BCL9L: variants seen among roughly 807,000 people sequenced by gnomAD.
BCL9L encodes B-cell CLL/lymphoma 9-like protein.
Under a neutral mutation model 99.4 loss-of-function variants are expected in BCL9L, and 19 were observed. That is an observed-to-expected ratio of 0.19 (90% CI 0.13 to 0.28). The LOEUF (loss-of-function observed/expected upper bound fraction) is 0.28. BCL9L is among the 10% of genes least tolerant of loss of function. The pLI is 1.00. For synonymous variants in BCL9L, 900 were observed against 854.8 expected (o/e 1.05, Z -0.92); for missense variants, 2,023 against 2,101.6 (o/e 0.96, Z 0.73).
Position 118,917,372 on chromosome 11 carries a change from C to A in BCL9L, c.-77+1454G>T, listed in dbSNP as rs7929825. Among the ~76,000 whole-genome samples, 24 of 152,026 alleles carry A rather than the reference C, an allele frequency of 1.6e-4. 1 individual carries two copies. The highest frequency in any genetic ancestry group is 1.6e-3 in the Admixed American group (24 of 15,274). On this transcript the variant is annotated intron_variant, in intron 2 of 9. Coordinates refer to ENST00000683865, the MANE Select transcript of BCL9L (RefSeq NM_001378213.1). ...CAGTCCTAAATGCTTCACGTGCATC[C>A]TCTAGTTTAATCCTCAGAACAATCT... is the stretch of plus-strand genomic sequence containing the variant.
Position 118,900,790 on chromosome 11 carries a change from C to A in BCL9L, c.2953G>T (p.Val985Phe). 1 of 1,613,948 alleles carries A rather than the reference C, an allele frequency of 6.2e-7. No individual in the cohort carries two copies. Among genetic ancestry groups the A allele is most frequent in the South Asian group, 1.1e-5 (1 of 91,088 alleles). ...CTGGGCGAGCCAGTGGGTGAACGGA[C>A]ACTGAGGGAGGAGCCGAGGACCTGG... ...SPQVLGSSLSVRSPTGSPSRL... is the reference protein window; with the variant it reads ...SPQVLGSSLSFRSPTGSPSRL... Residue 985 changes from valine to phenylalanine, a missense_variant, in exon 8 of 10, where the codon GTC becomes TTC. Coordinates refer to ENST00000683865, the MANE Select transcript of BCL9L (RefSeq NM_001378213.1). The surrounding 1 kb of genome is among the most constrained non-coding windows in gnomAD (Gnocchi z 5.3).
chr11:118,909,506 G>T (rs1479380242), intron 3 of BCL9L, among the ~76,000 whole-genome samples: 1 of 152,216 alleles, frequency 6.6e-6, no homozygotes, highest in Non-Finnish European at 1.5e-5. Flanking sequence ...CTGTCTGCCG[G>T]CTTCTCCGGG....
chr11:118,903,267 C>A lies in BCL9L; in HGVS notation c.718G>T (p.Val240Leu). ...GVPGKPPSQF[V>L]YVFTTHLANT... ...GCCAGGTGGGTGGTGAAGACATATA[C>A]GAACTGCGAGGGAGGCTTTCCGGGG... Residue 240 changes from valine (V) to leucine (L), a missense_variant, in exon 6 of 10, where the codon GTA becomes TTA. This residue lies in a region of BCL9L where 1,116 missense variants were observed against 1,194.6 expected (regional missense o/e 0.93). Transcript: ENST00000683865. The surrounding 1 kb of genome is among the most constrained non-coding windows in gnomAD (Gnocchi z 5.6). 2 of 1,587,378 alleles carry A rather than the reference C, an allele frequency of 1.3e-6. No homozygotes were observed. The highest frequency in any genetic ancestry group is 1.1e-5 in the South Asian group (1 of 87,284).
rs529440064 is a variant in BCL9L, at chr11:118,914,532, C to T, written c.-77+4294G>A. Among the ~76,000 whole-genome samples the T allele has an allele frequency of 2.6e-4, 39 of 152,350 alleles. No individual in the cohort carries two copies. Among genetic ancestry groups the T allele is most frequent in the African/African-American group, 9.4e-4 (39 of 41,576 alleles). On this transcript the variant is annotated intron_variant, in intron 2 of 9. Transcript: ENST00000683865. This position sits in a 1 kb window ranked among gnomAD's most constrained non-coding sequence, Gnocchi z 4.4. Reference sequence around the variant, plus strand: ...AGCTCTGCCCACATTGACATCCAGACTGTCATGACCCTCCAGGATGCAGGG... The same window carrying T: ...AGCTCTGCCCACATTGACATCCAGATTGTCATGACCCTCCAGGATGCAGGG...
chr11:118,917,322 T>C (rs929419099), intron 2 of BCL9L, among the ~76,000 whole-genome samples: 1 of 152,226 alleles, frequency 6.6e-6, no homozygotes, highest in Admixed American at 6.5e-5. Context: ...CCAACATTTA[T>C]TGAGCATTTA....
Position 118,902,387 on chromosome 11 carries a change from C to A in BCL9L, c.1356G>T (p.Gln452His). ...GPPAQAPPPP[Q>H]QPPTAPPSGL... ...CGCTGGGAGGGGCCGTGGGTGGCTG[C>A]TGGGGGGGAGGGGGGGCTTGTGCTG... Residue 452 changes from glutamine (Q) to histidine (H), a missense_variant, in exon 8 of 10, where the codon CAG (glutamine) becomes CAT (histidine). Gln to His is a conservative substitution (Grantham distance 24, BLOSUM62 0). This residue lies in a region of BCL9L where 1,116 missense variants were observed against 1,194.6 expected (regional missense o/e 0.93). Transcript: ENST00000683865. The surrounding 1 kb of genome is among the most constrained non-coding windows in gnomAD (Gnocchi z 7.8). 1 of 807,564 alleles carries A rather than the reference C, an allele frequency of 1.2e-6. No individual in the cohort carries two copies. The allele number at this position is 807,564 out of a possible 1,614,324, so 50.0% of individuals were successfully genotyped here. A position where few individuals can be genotyped will look rare whatever the true frequency, so the allele number is the denominator to read the frequency against.
chr11:118,901,593 T>C lies in BCL9L; in HGVS notation c.2150A>G (p.Gln717Arg), dbSNP rs1940240000. The change falls in exon 8 of 10, where the codon CAG (glutamine) becomes CGG (arginine). Residue 717 changes from glutamine to arginine, a missense_variant. Coordinates refer to ENST00000683865, the MANE Select transcript of BCL9L (RefSeq NM_001378213.1). The surrounding 1 kb of genome is among the most constrained non-coding windows in gnomAD (Gnocchi z 6.6). ...EMERMMQAHR[Q>R]MDPAMFPGQM... ...CCCGGGAAACATGGCAGGATCCATC[T>C]GTCGGTGCGCCTGCATCATCCGCTC... 2 of 1,614,084 alleles carry C rather than the reference T, an allele frequency of 1.2e-6. No homozygotes were observed. The highest frequency in any genetic ancestry group is 1.7e-6 in the Non-Finnish European group (2 of 1,180,018).
At position 118,900,222 on chromosome 11, in the gene BCL9L, G is replaced by A. The variant is rs1341642193; in HGVS notation, c.3125-24C>T. The A allele has an allele frequency of 6.4e-7, 1 of 1,561,172 alleles. No individual in the cohort carries two copies. The highest frequency in any genetic ancestry group is 1.4e-5 in the African/African-American group (1 of 73,868). On this transcript the variant is annotated intron_variant, in intron 8 of 9. Transcript: ENST00000683865. This position sits in a 1 kb window ranked among gnomAD's most constrained non-coding sequence, Gnocchi z 5.3. ...ACCTACAGAAACGGGGAGACAAAGA[G>A]AGCAGGGGTGACTGGGGAGGGGCAG...
Position 118,909,960 on chromosome 11 carries a change from CTACGGCCCCTG to C in BCL9L, c.-32_-22del. On this transcript the variant is annotated 5_prime_UTR_variant, in exon 3 of 10. Coordinates refer to ENST00000683865, the MANE Select transcript of BCL9L (RefSeq NM_001378213.1). The stretch of plus-strand genomic sequence containing the variant: ...CTCATGGCTCCCACACACAGTGGGG[CTACGGCCCCTG>C]TGCGTGCCCAGGGCCCAGCCAGGTA... 1 of 1,613,956 alleles carries C rather than the reference CTACGGCCCCTG, an allele frequency of 6.2e-7. No individual in the cohort carries two copies. The highest frequency in any genetic ancestry group is 8.5e-7 in the Non-Finnish European group (1 of 1,179,894).
In BCL9L at chr11:118,896,161, A is replaced by C. The variant is rs1386233866; in HGVS notation, c.*2254T>G. 1 of 167,060 alleles carries C rather than the reference A, an allele frequency of 6.0e-6. No homozygotes were observed. Among genetic ancestry groups the C allele is most frequent in the Admixed American group, 6.5e-5 (1 of 15,288 alleles). 10.3% of individuals were successfully genotyped at this position (167,060 alleles called of 1,614,324 possible). A position where few individuals can be genotyped will look rare whatever the true frequency, so the allele number is the denominator to read the frequency against. ...TGGATTTTGAATTTTCTTTTTAATAAAAAGGCACCTATAAAACAGGTCAAT... is the reference window on the plus strand; with the variant it reads ...TGGATTTTGAATTTTCTTTTTAATACAAAGGCACCTATAAAACAGGTCAAT... On this transcript the variant is annotated 3_prime_UTR_variant, in exon 10 of 10. Transcript: ENST00000683865.
chr11:118,915,522 G>A (rs537359966), intron 2 of BCL9L, among the ~76,000 whole-genome samples: 4 of 152,188 alleles, frequency 2.6e-5, no homozygotes, highest in South Asian at 2.1e-4. Flanking sequence ...AGCTCCCTCC[G>A]CTGGCACACT....
intron 5 of BCL9L, among the ~76,000 whole-genome samples, chr11:118,905,505 T>C (rs1591985991): frequency 9.8e-6 from 1 of 102,476 alleles, no homozygotes. Flanking sequence ...TGAGTGAGAC[T>C]CTGTCTCAAA....
At chr11:118,910,878 C>A (rs1421555020) in intron 2 of BCL9L, 1 of 71,548 alleles carries the variant, frequency 1.4e-5, no homozygotes, top group Non-Finnish European at 2.5e-5. Context: ...ACAGCTCACA[C>A]GTGGACAGGG....
chr11:118,902,055 G>A lies in BCL9L; in HGVS notation c.1688C>T (p.Pro563Leu). Residue 563 changes from proline to leucine, a missense_variant, in exon 8 of 10, where the codon CCT becomes CTT. By Grantham distance (98) the Pro-to-Leu change is moderately conservative. Transcript: ENST00000683865. This position sits in a 1 kb window ranked among gnomAD's most constrained non-coding sequence, Gnocchi z 7.8. The stretch of plus-strand genomic sequence containing the variant: ...CTGATCCCCAGGCTTGCTGTGGTAA[G>A]GAGGCGGGGGCCCCCTCACCATCAT... ...GGMMVRGPPP[P>L]YHSKPGDQWP... is the part of the protein sequence containing the mutation. The A allele has an allele frequency of 6.2e-7, 1 of 1,614,086 alleles. No homozygotes were observed.
Position 118,903,293 on chromosome 11 carries a change from A to G in BCL9L, c.692T>C (p.Val231Ala). The change falls in exon 6 of 10, where the codon GTC becomes GCC. Residue 231 changes from valine (V) to alanine (A), a missense_variant. Around this residue, in one of 3 missense-constraint regions of BCL9L, gnomAD observed 1,116 missense variants for 1,194.6 expected, o/e 0.93. Coordinates refer to ENST00000683865, the MANE Select transcript of BCL9L (RefSeq NM_001378213.1). The surrounding 1 kb of genome is among the most constrained non-coding windows in gnomAD (Gnocchi z 5.6). ...APGGGGGGGG[V>A]PGKPPSQFVY... ...GAACTGCGAGGGAGGCTTTCCGGGG[A>G]CGCCCCCGCCCCCGCCCCCGCCCCC... is the stretch of plus-strand genomic sequence containing the variant. The G allele has an allele frequency of 1.3e-6, 2 of 1,577,794 alleles. No individual in the cohort carries two copies. The highest frequency in any genetic ancestry group is 1.9e-5 in the Admixed American group (1 of 53,716).
intron 5 of BCL9L, among the ~76,000 whole-genome samples, chr11:118,904,985 G>A (rs866873591): frequency 6.6e-6 from 1 of 152,166 alleles, no homozygotes; most frequent in Admixed American, 6.6e-5. Context: ...AGTCCAACAA[G>A]GAACTTTCTA....
chr11:118,898,705 C>T lies in BCL9L; in HGVS notation c.4210G>A (p.Gly1404Ser). 1 of 1,612,354 alleles carries T rather than the reference C, an allele frequency of 6.2e-7. No homozygotes were observed. Among genetic ancestry groups the T allele is most frequent in the Non-Finnish European group, 8.5e-7 (1 of 1,179,426 alleles). The change falls in exon 10 of 10, where the codon GGC (glycine) becomes AGC (serine). Residue 1404 changes from glycine to serine, a missense_variant. Around this residue, in one of 3 missense-constraint regions of BCL9L, gnomAD observed 902 missense variants for 888.2 expected, o/e 1.02. Transcript: ENST00000683865. ...ACCATCCCCTGCTGTGGGGGCACGCCTGTCCTGCCCAGCAAGGACATCTGT... is the reference window on the plus strand; with the variant it reads ...ACCATCCCCTGCTGTGGGGGCACGCTTGTCCTGCCCAGCAAGGACATCTGT... Reference protein sequence around the residue: ...PGQMSLLGRTGVPPQQGMVPH... With the variant: ...PGQMSLLGRTSVPPQQGMVPH...
In BCL9L at chr11:118,898,439, G is replaced by A. The variant is rs759476891; in HGVS notation, c.4476C>T (p.Gly1492=). 6.9e-6 allele frequency: 11 copies of A among 1,605,034 alleles called. No homozygotes were observed. Among genetic ancestry groups the A allele is most frequent in the Admixed American group, 3.4e-5 (2 of 59,630 alleles). Residue 1492 remains glycine (G), a synonymous_variant, in exon 10 of 10, where the codon GGC becomes GGT. Transcript: ENST00000683865. ...DSQMGYLPAP[G]GMANLPF is the part of the protein sequence containing the mutation. ...TCTAGAAGGGCAGGTTGGCCATGCCGCCTGGTGCCGGGAGGTAGCCCATCT... is the reference window on the plus strand; with the variant it reads ...TCTAGAAGGGCAGGTTGGCCATGCCACCTGGTGCCGGGAGGTAGCCCATCT...
chr11:118,903,249 G>A lies in BCL9L; in HGVS notation c.736C>T (p.His246Tyr), dbSNP rs1454556098. Residue 246 changes from histidine (H) to tyrosine (Y), a missense_variant, in exon 6 of 10, where the codon CAC becomes TAC. His to Tyr is a moderately conservative substitution (Grantham distance 83). Coordinates refer to ENST00000683865, the MANE Select transcript of BCL9L (RefSeq NM_001378213.1). The surrounding 1 kb of genome is among the most constrained non-coding windows in gnomAD (Gnocchi z 5.6). Reference protein sequence around the residue: ...PSQFVYVFTTHLANTAAEAVL... With the variant: ...PSQFVYVFTTYLANTAAEAVL... ...CCAGGCACTTACGTGTTGGCCAGGTGGGTGGTGAAGACATATACGAACTGC... is the reference window on the plus strand; with the variant it reads ...CCAGGCACTTACGTGTTGGCCAGGTAGGTGGTGAAGACATATACGAACTGC... 6.9e-6 allele frequency: 11 copies of A among 1,590,724 alleles called. No homozygotes were observed. The highest frequency in any genetic ancestry group is 9.4e-6 in the Non-Finnish European group (11 of 1,170,694).
Sources: gnomAD v4.1 joint callset for allele counts (sites outside exome capture counted in the v4.1 genomes callset) on GRCh38, gnomAD v4.1.1 for gene constraint, gnomAD v4.1.1 regional missense constraint, Gnocchi (gnomAD v3.1) non-coding constraint, MANE v1.5 for transcripts, NCBI Gene and HGNC (gene_info 2026-07-23, HGNC 2026-07-21) for gene names.